LDLRAD4: variants seen among roughly 807,000 people sequenced by gnomAD.
LDLRAD4 encodes low density lipoprotein receptor class A domain containing 4.
Under a neutral mutation model 17.0 loss-of-function variants are expected in LDLRAD4, and 5 were observed. The observed-to-expected ratio is 0.29, with a 90% confidence interval of 0.15 to 0.62. LDLRAD4 has a LOEUF of 0.62. Ranked by LOEUF, LDLRAD4 falls within the 20% of genes least tolerant of loss-of-function variation. The pLI is 0.84. For missense variants in LDLRAD4, 340 were observed against 424.7 expected (o/e 0.80, Z 1.75); for synonymous variants, 168 against 171.8 (o/e 0.98, Z 0.17).
intron 1 of LDLRAD4, among the ~76,000 whole-genome samples, chr18:13,263,198 A>T (rs554775095): frequency 1.0e-5 from 1 of 98,598 alleles, no homozygotes; most frequent in South Asian, 3.8e-4. Context: ...CCGTGCGTGG[A>T]AACTGAGTCC....
chr18:13,583,501 A>G (rs2094893941), intron 3 of LDLRAD4, among the ~76,000 whole-genome samples: 1 of 152,164 alleles, frequency 6.6e-6, no homozygotes, highest in Non-Finnish European at 1.5e-5. Context: ...GGGAACTTTA[A>G]ATGAGTTGTA....
intron 1 of LDLRAD4, among the ~76,000 whole-genome samples, chr18:13,335,468 C>G (rs1389764744): frequency 6.6e-6 from 1 of 152,170 alleles, no homozygotes; most frequent in East Asian, 1.9e-4. Context: ...TACTACTCTC[C>G]CCCAACACTA....
chr18:13,395,452 G>A (rs898432434), intron 2 of LDLRAD4, among the ~76,000 whole-genome samples: 5 of 76,210 alleles, frequency 6.6e-5, no homozygotes, highest in African/African-American at 2.9e-4. Context: ...TGTGGAGGTG[G>A]GGGCTGGCGT....
At chr18:13,591,295 C>T (rs993754321) in intron 3 of LDLRAD4, among the ~76,000 whole-genome samples, 1 of 152,110 alleles carries the variant, frequency 6.6e-6, no homozygotes, top group Non-Finnish European at 1.5e-5. Flanking sequence ...TTTTGAGTTT[C>T]ATATTTAATA....
intron 1 of LDLRAD4, among the ~76,000 whole-genome samples, chr18:13,307,169 G>T (rs1044598237): frequency 6.6e-6 from 1 of 152,134 alleles, no homozygotes; most frequent in Non-Finnish European, 1.5e-5. Flanking sequence ...AGCAAAAAAG[G>T]CAGATGGAAA....
At chr18:13,556,909 A>C (rs928286312) in intron 3 of LDLRAD4, among the ~76,000 whole-genome samples, 2 of 152,182 alleles carry the variant, frequency 1.3e-5, no homozygotes, top group East Asian at 3.9e-4. Context: ...AAGGGTGATT[A>C]ATGCTTTATA....
intron 3 of LDLRAD4, among the ~76,000 whole-genome samples, chr18:13,607,988 A>G (rs570943931): frequency 3.1e-4 from 47 of 152,300 alleles, no homozygotes; most frequent in African/African-American, 1.1e-3. Flanking sequence ...GCCAAATGGT[A>G]TTTTTGGTTC....
At chr18:13,264,183 C>T (rs1275750004) in intron 1 of LDLRAD4, among the ~76,000 whole-genome samples, 6 of 151,956 alleles carry the variant, frequency 3.9e-5, no homozygotes, top group Non-Finnish European at 5.9e-5. Context: ...TTTGAAAGAG[C>T]GAGTGGGGGC....
chr18:13,557,340 A>G (rs1307230440), intron 3 of LDLRAD4, among the ~76,000 whole-genome samples: 14 of 152,174 alleles, frequency 9.2e-5, no homozygotes, highest in Non-Finnish European at 2.1e-4. Context: ...TTCACTTTGA[A>G]CATGATCCTA....
intron 2 of LDLRAD4, among the ~76,000 whole-genome samples, chr18:13,388,113 C>T (rs73954267): frequency 0.019 from 2,884 of 152,208 alleles, 96 homozygotes; most frequent in African/African-American, 0.065. Context: ...TTTACAGAAC[C>T]GGGAAGATTC....
chr18:13,492,022 A>G (rs1390272235), intron 3 of LDLRAD4, among the ~76,000 whole-genome samples: 1 of 152,222 alleles, frequency 6.6e-6, no homozygotes, highest in Non-Finnish European at 1.5e-5. Context: ...TATAATGAAT[A>G]CAGTAGCATG....
intron 4 of LDLRAD4, chr18:13,642,792 A>G: frequency 8.3e-7 from 1 of 1,205,984 alleles, no homozygotes. Context: ...CTTCAAATCT[A>G]ATCTGGCCAG....
At chr18:13,575,486 T>C (rs941489806) in intron 3 of LDLRAD4, among the ~76,000 whole-genome samples, 4 of 152,282 alleles carry the variant, frequency 2.6e-5, no homozygotes, top group African/African-American at 4.8e-5. Context: ...GCATTTGGGC[T>C]GGTTCCATAT....
intron 1 of LDLRAD4, among the ~76,000 whole-genome samples, chr18:13,281,781 G>A (rs1202617368): frequency 6.6e-6 from 1 of 152,122 alleles, no homozygotes; most frequent in African/African-American, 2.4e-5. Context: ...CTTACCTCCT[G>A]TCTCCTCCCG....
chr18:13,641,433 GAATA>G (rs571507634), intron 4 of LDLRAD4, among the ~76,000 whole-genome samples: 150 of 152,370 alleles, frequency 9.8e-4, no homozygotes, highest in South Asian at 9.1e-3. Flanking sequence ...ATGGATGAAT[GAATA>G]GAGAGAAACA....
intron 4 of LDLRAD4, among the ~76,000 whole-genome samples, chr18:13,631,929 A>AAAT: frequency 6.6e-6 from 1 of 152,314 alleles, no homozygotes; most frequent in East Asian, 1.9e-4. Flanking sequence ...TCTGTCTCAA[A>AAAT]AATAATAATA....
At chr18:13,475,851 C>T (rs183432198) in intron 3 of LDLRAD4, among the ~76,000 whole-genome samples, 1 of 152,184 alleles carries the variant, frequency 6.6e-6, no homozygotes, top group East Asian at 1.9e-4. Flanking sequence ...TGGGGTATGA[C>T]TGTGCTTCTG....
In LDLRAD4 at chr18:13,440,122, T is replaced by C. The variant is rs2090929611; in HGVS notation, c.181+1738T>C. On this transcript the variant is annotated intron_variant, in intron 3 of 5. Coordinates refer to ENST00000359446, the Ensembl canonical transcript of LDLRAD4. This position sits in a 1 kb window ranked among gnomAD's most constrained non-coding sequence, Gnocchi z 4.4. ...AGCTGTGTAGAGAATATCAGGACCT[T>C]GTGTGCTGCCTTGACTGGGTTCAGA... Among the ~76,000 whole-genome samples, 1 of 152,092 alleles carries C rather than the reference T, an allele frequency of 6.6e-6. No individual in the cohort carries two copies. The highest frequency in any genetic ancestry group is 1.5e-5 in the Non-Finnish European group (1 of 68,012).
exon 6 of LDLRAD4, chr18:13,646,325 G>A (rs2043014258): frequency 6.6e-6 from 1 of 152,612 alleles, no homozygotes; most frequent in East Asian, 1.9e-4. Context: ...ATTGTAATCA[G>A]GCCCAAGGAA....
Sources: gnomAD v4.1 joint callset for allele counts (sites outside exome capture counted in the v4.1 genomes callset) on GRCh38, gnomAD v4.1.1 for gene constraint, Gnocchi (gnomAD v3.1) non-coding constraint, MANE v1.5 for transcripts, NCBI Gene and HGNC (gene_info 2026-07-23, HGNC 2026-07-21) for gene names.